Variants in YLPM1 observed in about 807,000 individuals in gnomAD.
YLPM1 encodes the protein YLP motif-containing protein 1.
In YLPM1, 99 loss-of-function variants were observed where a neutral mutation model predicts 230.0. That is an observed-to-expected ratio of 0.43 (90% CI 0.37 to 0.51). YLPM1 has a LOEUF of 0.51. Ranked by LOEUF, YLPM1 falls within the 20% of genes least tolerant of loss-of-function variation. YLPM1 has a pLI of 0.00. For synonymous variants in YLPM1, 984 were observed against 942.5 expected (o/e 1.04, Z -0.81); for missense variants, 2,592 against 2,707.7 (o/e 0.96, Z 0.95).
chr14:74,788,117 CTT>C (rs55982413), intron 4 of YLPM1, among the ~76,000 whole-genome samples: 9 of 148,930 alleles, frequency 6.0e-5, no homozygotes, highest in African/African-American at 7.4e-5. Flanking sequence ...GTCACATACC[CTT>C]TTTTTTTTTC....
chr14:74,820,970 T>A lies in YLPM1; in HGVS notation c.6031-87T>A, dbSNP rs2140137910. 3.0e-6 allele frequency: 4 copies of A among 1,348,086 alleles called. No homozygotes were observed. In the East Asian group the frequency reaches 1.1e-4, roughly 37 times the overall value. 83.5% of individuals were successfully genotyped at this position (1,348,086 alleles called of 1,614,324 possible). A position where few individuals can be genotyped will look rare whatever the true frequency, so the allele number is the denominator to read the frequency against. ...GTGAGCCTGTCTTGCTCTGGGCAAC[T>A]GTATTCATTCCAGATCTCAATGAGG... On this transcript the variant is annotated intron_variant, in intron 16 of 20. Coordinates refer to ENST00000325680, the MANE Select transcript of YLPM1 (RefSeq NM_019589.3).
intron 1 of YLPM1, among the ~76,000 whole-genome samples, chr14:74,766,102 C>G (rs567385712): frequency 6.6e-6 from 1 of 152,136 alleles, no homozygotes; most frequent in Non-Finnish European, 1.5e-5. Context: ...GATTGTAAGT[C>G]CCTTGCAGAC....
In YLPM1 at chr14:74,836,056, C is replaced by T. The variant is rs1301255908; in HGVS notation, c.*318C>T. On this transcript the variant is annotated 3_prime_UTR_variant, in exon 21 of 21. Coordinates refer to ENST00000325680, the MANE Select transcript of YLPM1 (RefSeq NM_019589.3). ...GAGTATTTCCTCCACTGTACAATGT[C>T]ACAGACTATCTCTATCATCATTGCT... 1 of 337,950 alleles carries T rather than the reference C, an allele frequency of 3.0e-6. No individual in the cohort carries two copies. Among genetic ancestry groups the T allele is most frequent in the East Asian group, 8.2e-5 (1 of 12,222 alleles). 20.9% of individuals were successfully genotyped at this position (337,950 alleles called of 1,614,324 possible). A position where few individuals can be genotyped will look rare whatever the true frequency, so the allele number is the denominator to read the frequency against.
rs1379556378 is a variant in YLPM1, at chr14:74,763,358, C to T, written c.-132C>T. The T allele has an allele frequency of 1.5e-5, 17 of 1,154,738 alleles. No homozygotes were observed. Among genetic ancestry groups the T allele is most frequent in the Non-Finnish European group, 1.9e-5 (17 of 888,520 alleles). The allele number at this position is 1,154,738 out of a possible 1,614,324, so 71.5% of individuals were successfully genotyped here. On this transcript the variant is annotated 5_prime_UTR_variant, in exon 1 of 21. Transcript: ENST00000325680. ...CAGCTCGGGAGCGCCGGCGCACTGG[C>T]GCGCTCCGTTTACACGCTCCGGGGC...
In YLPM1 at chr14:74,764,326, C is replaced by G; in HGVS notation, c.837C>G (p.Ala279=). ...ACAAGAGTACTGAACAGCAGCAAGCCGCCCCTGAGCCAGATCCCTCTACGA... is the reference window on the plus strand; with the variant it reads ...ACAAGAGTACTGAACAGCAGCAAGCGGCCCCTGAGCCAGATCCCTCTACGA... ...AKNKSTEQQQ[A]APEPDPSTMT... is the part of the protein sequence containing the mutation. Residue 279 remains alanine (A), a synonymous_variant, in exon 1 of 21, where the codon GCC becomes GCG. Coordinates refer to ENST00000325680, the MANE Select transcript of YLPM1 (RefSeq NM_019589.3). 1 of 1,612,878 alleles carries G rather than the reference C, an allele frequency of 6.2e-7. No homozygotes were observed. The highest frequency in any genetic ancestry group is 8.5e-7 in the Non-Finnish European group (1 of 1,179,358).
At chr14:74,791,211 T>C (rs990655729) in intron 4 of YLPM1, among the ~76,000 whole-genome samples, 1 of 152,092 alleles carries the variant, frequency 6.6e-6, no homozygotes, top group Non-Finnish European at 1.5e-5. Flanking sequence ...TAGGCTGCAG[T>C]GAGCTAGGAT....
At chr14:74,809,272 A>G in intron 6 of YLPM1, 108 bp from the exon 7 acceptor site, 1 of 1,437,620 alleles carries the variant, frequency 7.0e-7, no homozygotes, top group East Asian at 2.5e-5. Flanking sequence ...GAATGAGTCC[A>G]AGGTGTTAAC....
chr14:74,809,523 A>ACCT lies in YLPM1; in HGVS notation c.4677_4679dup (p.Pro1560dup), dbSNP rs773250816. On this transcript the variant is annotated inframe_insertion, in exon 7 of 21. Coordinates refer to ENST00000325680, the MANE Select transcript of YLPM1 (RefSeq NM_019589.3). ...CACCACCTCCACCTCCTCCACCTCT[A>ACCT]CCTCCTCCTCCTCCAGTGATAAAGC... 1.6e-5 allele frequency: 25 copies of ACCT among 1,587,204 alleles called. No homozygotes were observed. Among genetic ancestry groups the ACCT allele is most frequent in the Non-Finnish European group, 1.9e-5 (22 of 1,166,296 alleles).
Position 74,798,042 on chromosome 14 carries a change from G to A in YLPM1, c.2745G>A (p.Ser915=), listed in dbSNP as rs762376695. The change falls in exon 5 of 21, where the codon TCG becomes TCA. Residue 915 remains serine, a synonymous_variant. Coordinates refer to ENST00000325680, the MANE Select transcript of YLPM1 (RefSeq NM_019589.3). ...AAGAGCCACCTAAAAGTGAAGTCTCGGAAGGGCCCGTAGAGCCCTCTAATT... is the reference window on the plus strand; with the variant it reads ...AAGAGCCACCTAAAAGTGAAGTCTCAGAAGGGCCCGTAGAGCCCTCTAATT... ...SQQEPPKSEV[S]EGPVEPSNWD... 27 of 1,613,670 alleles carry A rather than the reference G, an allele frequency of 1.7e-5. No individual in the cohort carries two copies. The South Asian group carries it at 2.0e-4, about 12-fold the overall frequency.
intron 6 of YLPM1, among the ~76,000 whole-genome samples, chr14:74,806,347 ACT>A (rs140533706): frequency 0.013 from 1,964 of 151,634 alleles, 20 homozygotes; most frequent in South Asian, 0.028. Flanking sequence ...ACAGATCAAG[ACT>A]CTGTCTCAAG....
chr14:74,766,423 G>C (rs2090911714), intron 1 of YLPM1, among the ~76,000 whole-genome samples: 1 of 152,028 alleles, frequency 6.6e-6, no homozygotes, highest in Admixed American at 6.6e-5. Flanking sequence ...ACCCATCATT[G>C]AGATTCAACA....
rs1259013502 is a variant in YLPM1 at position 74,763,438 on chromosome 14, C to T, written c.-52C>T. On this transcript the variant is annotated 5_prime_UTR_variant, in exon 1 of 21. Transcript: ENST00000325680. ...CGTCGCCGCCGCGGCTCCTGGAGGT[C>T]GGTTGCGACGAGTAACGGCGCCAGG... 2.9e-6 allele frequency: 4 copies of T among 1,367,182 alleles called. No homozygotes were observed. Among genetic ancestry groups the T allele is most frequent in the Non-Finnish European group, 3.8e-6 (4 of 1,052,134 alleles). The allele number at this position is 1,367,182 out of a possible 1,614,324, so 84.7% of individuals were successfully genotyped here.
At chr14:74,828,461 C>T (rs1460001554) in intron 18 of YLPM1, among the ~76,000 whole-genome samples, 2 of 152,148 alleles carry the variant, frequency 1.3e-5, no homozygotes, top group Non-Finnish European at 2.9e-5. Context: ...GACACCTAAA[C>T]TCATATCTCA....
At chr14:74,814,664 G>T (rs568104224) in intron 11 of YLPM1, among the ~76,000 whole-genome samples, 3 of 152,312 alleles carry the variant, frequency 2.0e-5, no homozygotes, top group Non-Finnish European at 2.9e-5. Context: ...ATATTTTGTT[G>T]AGGATTTTTG....
At chr14:74,768,884 AGTTTTTT>A (rs1274977561) in intron 1 of YLPM1, among the ~76,000 whole-genome samples, 1 of 151,928 alleles carries the variant, frequency 6.6e-6, no homozygotes, top group African/African-American at 2.4e-5. Context: ...GGCAAAGGCA[AGTTTTTT>A]GTTTTTTGTT....
chr14:74,812,504 TA>T, intron 10 of YLPM1, 123 bp from the exon 11 acceptor site: 1 of 990,940 alleles, frequency 1.0e-6, no homozygotes. Context: ...TAATTAAAGT[TA>T]AAAGTGGCCC....
rs370271186 is a variant in YLPM1, at chr14:74,763,585, G to A, written c.96G>A (p.Pro32=). 35 of 1,580,766 alleles carry A rather than the reference G, an allele frequency of 2.2e-5. No individual in the cohort carries two copies. The African/African-American group carries it at 4.7e-4, about 21-fold the overall frequency. ...PPPVALPEAS[P]GPGYSSSTTP... ...CAGTGGCGCTTCCTGAGGCCTCGCC[G>A]GGGCCCGGGTACTCGAGCTCGACGA... The change falls in exon 1 of 21, where the codon CCG becomes CCA. Residue 32 remains proline (P), a synonymous_variant. Coordinates refer to ENST00000325680, the MANE Select transcript of YLPM1 (RefSeq NM_019589.3).
chr14:74,829,704 G>T (rs1296727241), intron 19 of YLPM1, among the ~76,000 whole-genome samples: 4 of 152,132 alleles, frequency 2.6e-5, no homozygotes, highest in African/African-American at 7.2e-5. Flanking sequence ...TCCAAAGGTA[G>T]ATCAAGGGTG....
Position 74,763,882 on chromosome 14 carries a change from A to G in YLPM1, c.393A>G (p.Gln131=). Residue 131 remains glutamine, a synonymous_variant, in exon 1 of 21, where the codon CAA becomes CAG. Transcript: ENST00000325680. The stretch of plus-strand genomic sequence containing the variant: ...ACAAACACCAGATGCTCCACCACCA[A>G]CGAGACGGGCCTCCTGGTTTGGTTC... ...QQYKHQMLHH[Q]RDGPPGLVPM... is the part of the protein sequence containing the mutation. 3 of 1,546,008 alleles carry G rather than the reference A, an allele frequency of 1.9e-6. No homozygotes were observed. The highest frequency in any genetic ancestry group is 2.6e-6 in the Non-Finnish European group (3 of 1,147,832).
Sources: allele counts gnomAD v4.1 joint callset (sites outside exome capture counted in the v4.1 genomes callset), GRCh38; gene constraint gnomAD v4.1.1; transcripts MANE v1.5; gene names NCBI Gene and HGNC (gene_info 2026-07-23, HGNC 2026-07-21).